CAPZB: variants seen among roughly 807,000 people sequenced by gnomAD.
CAPZB encodes capping actin protein of muscle Z-line subunit beta.
Under a neutral mutation model 38.1 loss-of-function variants are expected in CAPZB, and 2 were observed. That is an observed-to-expected ratio of 0.05 (90% CI 0.02 to 0.17). The LOEUF (loss-of-function observed/expected upper bound fraction) is 0.17. CAPZB is among the 10% of genes least tolerant of loss of function. The pLI is 1.00. For missense variants in CAPZB, 161 were observed against 334.2 expected, an observed-to-expected ratio of 0.48 and a Z score of 4.04; for synonymous variants, 107 against 127.4, an observed-to-expected ratio of 0.84 and a Z score of 1.08.
chr1:19,353,884 A>G (rs2094005626), intron 6 of CAPZB, among the ~76,000 whole-genome samples: 1 of 152,194 alleles, frequency 6.6e-6, no homozygotes, highest in Non-Finnish European at 1.5e-5. Flanking sequence ...TGCAGGGTTG[A>G]TCCTGCTTGC....
At chr1:19,448,220 C>T (rs528313891) in intron 1 of CAPZB, among the ~76,000 whole-genome samples, 2 of 152,376 alleles carry the variant, frequency 1.3e-5, no homozygotes, top group East Asian at 3.9e-4. Context: ...CCCAAATACC[C>T]GCTTCTCTCC....
At chr1:19,452,793 C>CTTTT (rs34430556) in intron 1 of CAPZB, among the ~76,000 whole-genome samples, 6 of 118,430 alleles carry the variant, frequency 5.1e-5, no homozygotes, top group Non-Finnish European at 5.2e-5. Flanking sequence ...TAATTTCTTT[C>CTTTT]TTTTTTTTTT....
At position 19,338,802 on chromosome 1, in the gene CAPZB, ATTTC is replaced by A. The variant is rs1308335776; in HGVS notation, c.*724_*727del. The A allele has an allele frequency of 2.6e-5, 4 of 152,500 alleles. No individual in the cohort carries two copies. The highest frequency in any genetic ancestry group is 1.3e-4 in the Admixed American group (2 of 15,286). 9.4% of individuals were successfully genotyped at this position (152,500 alleles called of 1,614,324 possible). Reference sequence around the variant, plus strand: ...ACTGCGCCCCAGTTTCTTTTTATTGATTTCTTTTCTTTTCTTTTTTTAAGTATGG... The same window carrying A: ...ACTGCGCCCCAGTTTCTTTTTATTGATTTTCTTTTCTTTTTTTAAGTATGG... On this transcript the variant is annotated 3_prime_UTR_variant, in exon 9 of 9. Transcript: ENST00000264202.
At position 19,485,453 on chromosome 1, in the gene CAPZB, C is replaced by T. The variant is rs1237817723; in HGVS notation, c.-15G>A. ...GCCTTTACCATGGTGGCGGCGGCGGCGGCGGTCCCGGTCCCGGCGTCAGTG... is the reference window on the plus strand; with the variant it reads ...GCCTTTACCATGGTGGCGGCGGCGGTGGCGGTCCCGGTCCCGGCGTCAGTG... On this transcript the variant is annotated 5_prime_UTR_variant, in exon 1 of 9. Coordinates refer to ENST00000264202, the MANE Select transcript of CAPZB (RefSeq NM_004930.5). The T allele has an allele frequency of 8.1e-7, 1 of 1,230,696 alleles. No individual in the cohort carries two copies. Among genetic ancestry groups the T allele is most frequent in the Non-Finnish European group, 1.0e-6 (1 of 987,690 alleles). 76.2% of individuals were successfully genotyped at this position (1,230,696 alleles called of 1,614,324 possible).
intron 1 of CAPZB, among the ~76,000 whole-genome samples, chr1:19,433,023 CCA>C (rs1364670254): frequency 6.6e-6 from 1 of 152,186 alleles, no homozygotes; most frequent in East Asian, 1.9e-4. Context: ...AAAGCCTCTC[CCA>C]CACAGTTTCT....
intron 3 of CAPZB, among the ~76,000 whole-genome samples, chr1:19,379,092 TTTTC>T (rs139455748): frequency 7.6e-6 from 1 of 131,114 alleles, no homozygotes; most frequent in Non-Finnish European, 1.6e-5. Flanking sequence ...ACCTATTTTT[TTTTC>T]TTTCTTTTTT....
intron 2 of CAPZB, among the ~76,000 whole-genome samples, chr1:19,391,844 C>G (rs952406908): frequency 2.0e-5 from 3 of 152,194 alleles, no homozygotes; most frequent in Non-Finnish European, 4.4e-5. Context: ...TGGACATGGG[C>G]GGCCCTGCTC....
Position 19,398,361 on chromosome 1 carries a change from C to T in CAPZB, c.94-12735G>A, listed in dbSNP as rs145054904. On this transcript the variant is annotated intron_variant, in intron 2 of 8. Transcript: ENST00000264202. ...AGCAGAGGCTGACCAGCTCAGAGCA[C>T]GGAGCCACTGAGTCAGAGGGCGGAG... 2.2e-4 allele frequency among the ~76,000 whole-genome samples: 34 copies of T among 152,298 alleles called. No individual in the cohort carries two copies. The East Asian group carries it at 6.6e-3, about 29-fold the overall frequency.
chr1:19,401,063 C>T lies in CAPZB; in HGVS notation c.94-15437G>A, dbSNP rs186076695. Among the ~76,000 whole-genome samples the T allele has an allele frequency of 4.0e-3, 614 of 152,224 alleles. 1 individual carries two copies. The highest frequency in any genetic ancestry group is 0.013 in the African/African-American group (541 of 41,522). ...AAAGCTCAAGTGGCAGCTAACAGCACGGACACCAGGGGCATCCCTTGCCAG... is the reference window on the plus strand; with the variant it reads ...AAAGCTCAAGTGGCAGCTAACAGCATGGACACCAGGGGCATCCCTTGCCAG... On this transcript the variant is annotated intron_variant, in intron 2 of 8. Transcript: ENST00000264202.
intron 2 of CAPZB, among the ~76,000 whole-genome samples, chr1:19,411,062 G>C (rs1293083728): frequency 6.6e-6 from 1 of 152,054 alleles, no homozygotes; most frequent in Admixed American, 6.6e-5. Flanking sequence ...TACTTATTTT[G>C]GCCAGGCACA....
Position 19,385,499 on chromosome 1 carries a change from G to A in CAPZB, c.215+6C>T. The A allele has an allele frequency of 3.1e-6, 5 of 1,612,404 alleles. No individual in the cohort carries two copies. Among genetic ancestry groups the A allele is most frequent in the Non-Finnish European group, 4.2e-6 (5 of 1,179,924 alleles). The stretch of plus-strand genomic sequence containing the variant: ...TGCCTGCTGCATCCCCGGGGCATGA[G>A]CTCACCTATAGGAGTCCCCATCTCT... On this transcript the variant is annotated splice_donor_region_variant and intron_variant, in intron 3 of 8. Coordinates refer to ENST00000264202, the MANE Select transcript of CAPZB (RefSeq NM_004930.5).
intron 2 of CAPZB, among the ~76,000 whole-genome samples, chr1:19,413,951 C>T (rs1386680960): frequency 2.6e-5 from 4 of 152,198 alleles, no homozygotes; most frequent in African/African-American, 9.7e-5. Context: ...GAAAACTGAG[C>T]AGCACTGCTT....
In CAPZB at chr1:19,357,580, A is replaced by C. The variant is rs1030795766; in HGVS notation, c.330-17T>G. On this transcript the variant is annotated splice_polypyrimidine_tract_variant and intron_variant, in intron 4 of 8. Transcript: ENST00000264202. This position sits in a 1 kb window ranked among gnomAD's most constrained non-coding sequence, Gnocchi z 4.3. ...TCAAAATACCTGCAGGAAACAGGCC[A>C]ATGTGCCTGTTAGATGCTAAAGGAC... 3.7e-6 allele frequency: 6 copies of C among 1,613,294 alleles called. No individual in the cohort carries two copies. In the African/African-American group the frequency reaches 8.0e-5, roughly 22 times the overall value.
intron 8 of CAPZB, among the ~76,000 whole-genome samples, chr1:19,340,884 C>G (rs1407389891): frequency 6.6e-6 from 1 of 151,844 alleles, no homozygotes; most frequent in African/African-American, 2.4e-5. Context: ...GAGGGCTGCT[C>G]AAGAAGAGTG....
intron 2 of CAPZB, among the ~76,000 whole-genome samples, chr1:19,408,305 G>A (rs1170580893): frequency 6.6e-6 from 1 of 152,232 alleles, no homozygotes; most frequent in Non-Finnish European, 1.5e-5. Flanking sequence ...TTAAGTGCCT[G>A]TCTTCCACTC....
intron 1 of CAPZB, among the ~76,000 whole-genome samples, chr1:19,465,343 A>G (rs1476977307): frequency 6.6e-6 from 1 of 152,180 alleles, no homozygotes; most frequent in Non-Finnish European, 1.5e-5. Flanking sequence ...GGCGCTGTCT[A>G]TGATGCAGAG....
chr1:19,459,719 C>G (rs2094544490), intron 1 of CAPZB, among the ~76,000 whole-genome samples: 1 of 152,214 alleles, frequency 6.6e-6, no homozygotes, highest in South Asian at 2.1e-4. Context: ...CAATTACCCA[C>G]AGTCAACAGT....
intron 6 of CAPZB, among the ~76,000 whole-genome samples, chr1:19,353,221 TG>T (rs2094001488): frequency 6.6e-6 from 1 of 152,176 alleles, no homozygotes; most frequent in African/African-American, 2.4e-5. Flanking sequence ...GGCCTGGCAC[TG>T]TGGGCCTGGG....
chr1:19,376,760 C>T (rs747128507), intron 4 of CAPZB, among the ~76,000 whole-genome samples: 2 of 152,236 alleles, frequency 1.3e-5, no homozygotes, highest in Admixed American at 6.5e-5. Context: ...CTACCACGTA[C>T]GAGGTGCATC....
Sources: gnomAD v4.1 joint callset for allele counts (sites outside exome capture counted in the v4.1 genomes callset) on GRCh38, gnomAD v4.1.1 for gene constraint, Gnocchi (gnomAD v3.1) non-coding constraint, MANE v1.5 for transcripts, NCBI Gene and HGNC (gene_info 2026-07-23, HGNC 2026-07-21) for gene names.